SLC19A3: variants seen among roughly 807,000 people sequenced by gnomAD.
SLC19A3 encodes the protein solute carrier family 19 member 3, also known as thiamine transporter 2.
A neutral mutation model predicts 40.2 loss-of-function variants in SLC19A3; 31 were observed. The observed-to-expected ratio is 0.77, with a 90% confidence interval of 0.58 to 1.04. The LOEUF is 1.04. SLC19A3 is among the 50% of genes least tolerant of loss of function. The pLI is 0.00. For missense variants in SLC19A3, 592 were observed against 596.7 expected, an observed-to-expected ratio of 0.99 and a Z score of 0.08; for synonymous variants, 212 against 227.5, an observed-to-expected ratio of 0.93 and a Z score of 0.61.
At chr2:227,701,026 G>T (rs768902061) in intron 2 of SLC19A3, 3 of 1,304,046 alleles carry the variant, frequency 2.3e-6, no homozygotes, top group Non-Finnish European at 3.0e-6. Context: ...ACAGTGGCTC[G>T]AGAAGCAGAA....
chr2:227,699,336 T>C lies in SLC19A3; in HGVS notation c.379A>G (p.Ile127Val). ...TAAEVAYYAY[I>V]YSVVSPEHYQ... ...TGCTCGGGGCTGACCACGCTGTATA[T>C]GTAGGCGTAGTAGGCCACCTCGGCG... The change falls in exon 3 of 6, where the codon ATA becomes GTA. Residue 127 changes from isoleucine (I) to valine (V), a missense_variant. Physicochemically the swap from Ile to Val is conservative, Grantham distance 29. Transcript: ENST00000644224. 6.2e-7 allele frequency: 1 copy of C among 1,614,196 alleles called. No individual in the cohort carries two copies. Among genetic ancestry groups the C allele is most frequent in the Non-Finnish European group, 8.5e-7 (1 of 1,180,044 alleles).
intron 1 of SLC19A3, among the ~76,000 whole-genome samples, chr2:227,705,902 G>A (rs1292406180): frequency 6.6e-6 from 1 of 152,102 alleles, no homozygotes; most frequent in Non-Finnish European, 1.5e-5. Context: ...CAAAGATTTA[G>A]CGTGGTGTGG....
intron 1 of SLC19A3, among the ~76,000 whole-genome samples, chr2:227,709,302 G>A (rs975871472): frequency 1.3e-5 from 2 of 152,076 alleles, no homozygotes; most frequent in Non-Finnish European, 2.9e-5. Flanking sequence ...GCCAACATTG[G>A]TGAAACCCCG....
At chr2:227,708,090 G>A (rs1352416478) in intron 1 of SLC19A3, among the ~76,000 whole-genome samples, 1 of 152,052 alleles carries the variant, frequency 6.6e-6, no homozygotes, top group African/African-American at 2.4e-5. Context: ...TTTACTGCTG[G>A]CTCCCCTTCT....
At chr2:227,700,453 G>A (rs566699413) in intron 2 of SLC19A3, among the ~76,000 whole-genome samples, 6 of 151,968 alleles carry the variant, frequency 3.9e-5, no homozygotes, top group Non-Finnish European at 7.4e-5. Context: ...CAGGAGAATC[G>A]CTTGAACCCA....
chr2:227,711,181 G>A lies in SLC19A3; in HGVS notation c.-3+6762C>T, dbSNP rs1048914708. Among the ~76,000 whole-genome samples the A allele has an allele frequency of 2.0e-5, 3 of 152,144 alleles. No individual in the cohort carries two copies. In the East Asian group the frequency reaches 5.8e-4, roughly 29 times the overall value. ...GCCTTTAATCCCAGCATTTTGGGAG[G>A]CTGAGACAGGCAGATCACCTCAGGT... On this transcript the variant is annotated intron_variant, in intron 1 of 5. Coordinates refer to ENST00000644224, the MANE Select transcript of SLC19A3 (RefSeq NM_025243.4).
In SLC19A3 at chr2:227,686,058, G is replaced by A. The variant is rs540235103; in HGVS notation, c.*1339C>T. ...CTAAAAATACAAAAATTAGCCAGGC[G>A]TGGTGGTGTGCACCCATAGTCCCAG... On this transcript the variant is annotated 3_prime_UTR_variant, in exon 6 of 6. Transcript: ENST00000644224. The A allele has an allele frequency of 8.7e-4, 334 of 383,126 alleles. No individual in the cohort carries two copies. The highest frequency in any genetic ancestry group is 1.4e-3 in the Non-Finnish European group (259 of 190,932). 23.7% of individuals were successfully genotyped at this position (383,126 alleles called of 1,614,324 possible).
intron 1 of SLC19A3, among the ~76,000 whole-genome samples, chr2:227,716,464 A>C (rs1696338972): frequency 6.6e-6 from 1 of 152,162 alleles, no homozygotes; most frequent in Admixed American, 6.6e-5. Context: ...CAGCTCAAAA[A>C]AACCTTTGTC....
At position 227,688,300 on chromosome 2, in the gene SLC19A3, T is replaced by G. The variant is rs1356543355; in HGVS notation, c.1180A>C (p.Ile394Leu). The change falls in exon 5 of 6, where the codon ATT (isoleucine) becomes CTT (leucine). Residue 394 changes from isoleucine to leucine, a missense_variant. Physicochemically the swap from Ile to Leu is conservative, Grantham distance 5. Transcript: ENST00000644224. The stretch of plus-strand genomic sequence containing the variant: ...CGTTCCACATTCAGATTAACTGCAA[T>G]CTGAAATCTATCATTAAACATAAAT... Reference protein sequence around the residue: ...MLLITIAVFQIAVNLNVERYA... With the variant: ...MLLITIAVFQLAVNLNVERYA... 1 of 1,613,800 alleles carries G rather than the reference T, an allele frequency of 6.2e-7. No homozygotes were observed. Among genetic ancestry groups the G allele is most frequent in the Non-Finnish European group, 8.5e-7 (1 of 1,179,824 alleles).
At chr2:227,713,256 G>A (rs1230964341) in intron 1 of SLC19A3, among the ~76,000 whole-genome samples, 2 of 130,174 alleles carry the variant, frequency 1.5e-5, no homozygotes, top group Non-Finnish European at 3.4e-5. Context: ...TTAAGTAAAT[G>A]ACTGGGCATG....
In SLC19A3 at chr2:227,687,070, C is replaced by A. The variant is rs150113016; in HGVS notation, c.*327G>T. 4.6e-6 allele frequency: 1 copy of A among 216,092 alleles called. No individual in the cohort carries two copies. Among genetic ancestry groups the A allele is most frequent in the Admixed American group, 5.3e-5 (1 of 18,990 alleles). The allele number at this position is 216,092 out of a possible 1,614,324, so 13.4% of individuals were successfully genotyped here. ...ATGGTGAATATCAACTCCAGGATGG[C>A]TGGAGTTTTCTCATGGTTTGGTTCC... On this transcript the variant is annotated 3_prime_UTR_variant, in exon 6 of 6. Coordinates refer to ENST00000644224, the MANE Select transcript of SLC19A3 (RefSeq NM_025243.4).
At chr2:227,695,079 C>CT (rs1559246570) in intron 4 of SLC19A3, among the ~76,000 whole-genome samples, 2 of 152,032 alleles carry the variant, frequency 1.3e-5, no homozygotes, top group African/African-American at 4.8e-5. Flanking sequence ...AGAAAAACTG[C>CT]TTGGTTCCAT....
chr2:227,701,230 C>T (rs146427145), intron 2 of SLC19A3: 1 of 513,310 alleles, frequency 1.9e-6, no homozygotes, highest in Admixed American at 3.9e-5. Context: ...AAGCCACACA[C>T]TTTACACAGT....
chr2:227,696,921 C>A (rs1695461209), intron 3 of SLC19A3, among the ~76,000 whole-genome samples: 1 of 152,010 alleles, frequency 6.6e-6, no homozygotes, highest in Non-Finnish European at 1.5e-5. Context: ...CAAAAATTAG[C>A]CAGCATGGTG....
intron 1 of SLC19A3, among the ~76,000 whole-genome samples, chr2:227,714,805 CTTTTTTTTTTTTTT>C (rs869073195): frequency 6.3e-5 from 5 of 79,868 alleles, no homozygotes; most frequent in African/African-American, 2.5e-4. Flanking sequence ...CCTGACTATT[CTTTTTTTTTTTTTT>C]TTTTTTTTTG....
At position 227,686,192 on chromosome 2, in the gene SLC19A3, C is replaced by A; in HGVS notation, c.*1205G>T. 1 of 433,230 alleles carries A rather than the reference C, an allele frequency of 2.3e-6. No homozygotes were observed. Among genetic ancestry groups the A allele is most frequent in the Non-Finnish European group, 4.6e-6 (1 of 215,504 alleles). The allele number at this position is 433,230 out of a possible 1,614,324, so 26.8% of individuals were successfully genotyped here. ...AGCCTGGGTGAGAGAGCGAGACTGT[C>A]TCAAAAACCAAAACAAAACAAAATC... On this transcript the variant is annotated 3_prime_UTR_variant, in exon 6 of 6. Transcript: ENST00000644224.
intron 1 of SLC19A3, among the ~76,000 whole-genome samples, chr2:227,716,252 TTTCAATATTCCTGATCTATATTTCATTA>T (rs1574585941): frequency 1.3e-5 from 2 of 152,196 alleles, no homozygotes; most frequent in African/African-American, 2.4e-5. Context: ...GGAAAACCAG[TTTCAATATTCCTGATCTATATTTCATTA>T]TTCAATATTC....
At chr2:227,708,631 G>C (rs573634495) in intron 1 of SLC19A3, among the ~76,000 whole-genome samples, 1 of 152,052 alleles carries the variant, frequency 6.6e-6, no homozygotes, top group South Asian at 2.1e-4. Flanking sequence ...ACTGGCTGCA[G>C]GCTAACCTTC....
rs1258648911 is a variant in SLC19A3 at position 227,709,164 on chromosome 2, A to T, written c.-2-6844T>A. On this transcript the variant is annotated intron_variant, in intron 1 of 5. Coordinates refer to ENST00000644224, the MANE Select transcript of SLC19A3 (RefSeq NM_025243.4). Reference sequence around the variant, plus strand: ...AGTATATTTTCCATTTTTGTAGGGTAAACAACTGTTAAAAAGCAAGAACTG... The same window carrying T: ...AGTATATTTTCCATTTTTGTAGGGTTAACAACTGTTAAAAAGCAAGAACTG... Among the ~76,000 whole-genome samples the T allele has an allele frequency of 2.0e-5, 3 of 152,136 alleles. No individual in the cohort carries two copies. In the South Asian group the frequency reaches 6.2e-4, roughly 32 times the overall value.
Sources: allele counts gnomAD v4.1 joint callset (sites outside exome capture counted in the v4.1 genomes callset), GRCh38; gene constraint gnomAD v4.1.1; transcripts MANE v1.5; gene names NCBI Gene and HGNC (gene_info 2026-07-23, HGNC 2026-07-21).